The following RBM39 variants were observed in gnomAD, a reference collection of about 807,000 sequenced individuals.
RBM39 encodes RNA-binding protein 39.
A neutral mutation model predicts 79.6 loss-of-function variants in RBM39; 12 were observed. That is an observed-to-expected ratio of 0.15 (90% confidence interval 0.10 to 0.24). RBM39 has a LOEUF of 0.24. Ranked by LOEUF, RBM39 falls within the 10% of genes least tolerant of loss-of-function variation. The pLI, the probability that RBM39 is intolerant of heterozygous loss-of-function variation, is 1.00. For missense variants in RBM39, 243 were observed against 653.4 expected (o/e 0.37, Z 6.85); for synonymous variants, 185 against 208.4 (o/e 0.89, Z 0.97).
intron 9 of RBM39, among the ~76,000 whole-genome samples, chr20:35,720,565 T>A (rs1460098426): frequency 6.8e-6 from 1 of 147,456 alleles, no homozygotes; most frequent in African/African-American, 2.5e-5. Flanking sequence ...AGGTCAGGAG[T>A]ATGAGACCAA....
intron 8 of RBM39, among the ~76,000 whole-genome samples, chr20:35,723,657 C>T (rs1035789318): frequency 6.6e-6 from 1 of 152,118 alleles, no homozygotes; most frequent in East Asian, 1.9e-4. Context: ...AGGCTGGTCT[C>T]GAACTCCTGA....
rs2036021735 is a variant in RBM39 at position 35,708,501 on chromosome 20, ACAG to A, written c.1225+720_1225+722del. 2.0e-5 allele frequency among the ~76,000 whole-genome samples: 3 copies of A among 152,266 alleles called. No individual in the cohort carries two copies. In the South Asian group the frequency reaches 6.2e-4, roughly 32 times the overall value. On this transcript the variant is annotated intron_variant, in intron 13 of 16. Coordinates refer to ENST00000253363, the MANE Select transcript of RBM39 (RefSeq NM_184234.3). Reference sequence around the variant, plus strand: ...AATCTTTTAAAAATCTCTTAACAAAACAGCACTGATTAGAAGCATCTTGTTTGT... The same window carrying A: ...AATCTTTTAAAAATCTCTTAACAAAACACTGATTAGAAGCATCTTGTTTGT...
chr20:35,721,254 ATAT>A (rs1476539609), intron 9 of RBM39, among the ~76,000 whole-genome samples: 1 of 152,114 alleles, frequency 6.6e-6, no homozygotes, highest in Non-Finnish European at 1.5e-5. Context: ...GAATCTTAAG[ATAT>A]TCAACTTTCT....
chr20:35,731,053 A>G (rs1033229624), intron 4 of RBM39, among the ~76,000 whole-genome samples: 6 of 152,154 alleles, frequency 3.9e-5, no homozygotes, highest in Admixed American at 2.6e-4. Flanking sequence ...TCTCCTTAAA[A>G]GGTTAGAAAA....
In RBM39 at chr20:35,741,921, G is replaced by C. The variant is rs763548131; in HGVS notation, c.-14+20C>G. The C allele has an allele frequency of 5.7e-6, 1 of 174,626 alleles. No individual in the cohort carries two copies. The highest frequency in any genetic ancestry group is 1.3e-5 in the Non-Finnish European group (1 of 79,486). The allele number at this position is 174,626 out of a possible 1,614,324, so 10.8% of individuals were successfully genotyped here. On this transcript the variant is annotated intron_variant, in intron 1 of 16. Coordinates refer to ENST00000253363, the MANE Select transcript of RBM39 (RefSeq NM_184234.3). ...CCTCGAGAAAGCTGAGATAATACGC[G>C]GGTCCGCAACGCCCCGTACCTGTTC...
rs1428381553 is a variant in RBM39 at position 35,721,881 on chromosome 20, G to C, written c.688-4C>G. 1 of 1,612,720 alleles carries C rather than the reference G, an allele frequency of 6.2e-7. No individual in the cohort carries two copies. Among genetic ancestry groups the C allele is most frequent in the East Asian group, 2.2e-5 (1 of 44,878 alleles). ...CTGCAGCTCTGTTTTTTTCTGCCTA[G>C]AAGACAAAATACACGTCACACAGAG... On this transcript the variant is annotated splice_region_variant and splice_polypyrimidine_tract_variant and intron_variant, in intron 8 of 16. Transcript: ENST00000253363.
At chr20:35,712,257 TA>T (rs2036509715) in intron 12 of RBM39, among the ~76,000 whole-genome samples, 2 of 151,068 alleles carry the variant, frequency 1.3e-5, no homozygotes, top group South Asian at 4.2e-4. Context: ...TCACTTGAGG[TA>T]AGGTGTTTAA....
At chr20:35,714,445 A>T (rs1225757037) in intron 10 of RBM39, 56 bp from the exon 11 acceptor site, 1 of 1,496,540 alleles carries the variant, frequency 6.7e-7, no homozygotes, top group Non-Finnish European at 8.9e-7. Context: ...TAAAATACAA[A>T]CTATACTTAA....
intron 11 of RBM39, chr20:35,713,874 G>A (rs2036783062): frequency 8.7e-6 from 2 of 229,442 alleles, no homozygotes; most frequent in Admixed American, 1.1e-4. Flanking sequence ...CAAAAAATAA[G>A]AAATTACAAA....
chr20:35,721,102 A>G (rs1341257563), intron 9 of RBM39, among the ~76,000 whole-genome samples: 2 of 152,052 alleles, frequency 1.3e-5, no homozygotes, highest in African/African-American at 4.8e-5. Flanking sequence ...CAACACGCCC[A>G]GCTAATTTTT....
chr20:35,738,742 T>G lies in RBM39; in HGVS notation c.101+226A>C, dbSNP rs1216756889. 3.3e-5 allele frequency among the ~76,000 whole-genome samples: 5 copies of G among 152,246 alleles called. No individual in the cohort carries two copies. The East Asian group carries it at 9.6e-4, about 29-fold the overall frequency. ...AGAACTTGTCACCAGATTGTCATGA[T>G]GGACTTGGAGGGGAAGGTATCTGAA... On this transcript the variant is annotated intron_variant, in intron 3 of 16. Coordinates refer to ENST00000253363, the MANE Select transcript of RBM39 (RefSeq NM_184234.3).
intron 2 of RBM39, 139 bp from the exon 3 acceptor site, chr20:35,739,156 T>A (rs555978781): frequency 2.5e-4 from 197 of 781,166 alleles, no homozygotes; most frequent in Non-Finnish European, 3.8e-4. Context: ...CATGGAAGGC[T>A]ATAAAAAAAT....
At chr20:35,717,511 T>C (rs2037299985) in intron 9 of RBM39, among the ~76,000 whole-genome samples, 1 of 152,152 alleles carries the variant, frequency 6.6e-6, no homozygotes, top group Non-Finnish European at 1.5e-5. Flanking sequence ...AAGCAGTAAT[T>C]TCCAATTATA....
intron 4 of RBM39, chr20:35,731,417 A>G (rs1600590539): frequency 6.5e-6 from 1 of 153,152 alleles, no homozygotes; most frequent in East Asian, 1.9e-4. Flanking sequence ...GATGAGCCCA[A>G]AAAAGGATCT....
chr20:35,712,186 G>A (rs1022048111), intron 12 of RBM39, among the ~76,000 whole-genome samples: 2 of 152,000 alleles, frequency 1.3e-5, no homozygotes, highest in Non-Finnish European at 2.9e-5. Context: ...TAAGAAATGA[G>A]GGCCGAACGC....
At chr20:35,714,584 G>A (rs1439167372) in intron 10 of RBM39, among the ~76,000 whole-genome samples, 195 bp from the exon 11 acceptor site, 4 of 152,182 alleles carry the variant, frequency 2.6e-5, no homozygotes, top group Admixed American at 2.6e-4. Context: ...GCTTGTTGAT[G>A]TGGTAGTTTA....
chr20:35,730,519 GATGTA>G (rs2039251114), intron 4 of RBM39, among the ~76,000 whole-genome samples: 1 of 152,038 alleles, frequency 6.6e-6, no homozygotes, highest in South Asian at 2.1e-4. Flanking sequence ...TCATTTACTG[GATGTA>G]TTACAGTTCT....
chr20:35,741,600 C>T (rs1399651742), intron 1 of RBM39: 3 of 152,194 alleles, frequency 2.0e-5, no homozygotes, highest in Non-Finnish European at 4.4e-5. Flanking sequence ...GGGCAAAAAC[C>T]CGCGCTGCCA....
rs555136304 is a variant in RBM39 at position 35,718,813 on chromosome 20, C to CAAA, written c.826-2011_826-2009dup. Among the ~76,000 whole-genome samples, 191 of 37,766 alleles carry CAAA rather than the reference C, an allele frequency of 5.1e-3. 4 individuals carry two copies. Among genetic ancestry groups the CAAA allele is most frequent in the African/African-American group, 8.8e-3 (89 of 10,066 alleles). 24.8% of individuals were successfully genotyped at this position (37,766 alleles called of 152,430 possible). On this transcript the variant is annotated intron_variant, in intron 9 of 16. Transcript: ENST00000253363. Reference sequence around the variant, plus strand: ...GGGCAACAAGAGCAATACTCCATCTCAAAAAAAAAAAAAAAAAAAAAAAGC... The same window carrying CAAA: ...GGGCAACAAGAGCAATACTCCATCTCAAAAAAAAAAAAAAAAAAAAAAAAAAGC...
Sources: gnomAD v4.1 joint callset for allele counts (sites outside exome capture counted in the v4.1 genomes callset) on GRCh38, gnomAD v4.1.1 for gene constraint, MANE v1.5 for transcripts, NCBI Gene and HGNC (gene_info 2026-07-23, HGNC 2026-07-21) for gene names.